The following SNRPN variants were observed in gnomAD, a reference collection of about 807,000 sequenced individuals.
SNRPN encodes small nuclear ribonucleoprotein-associated protein N.
SNRPN carries 7 observed loss-of-function variants against 25.2 expected under a neutral mutation model. The observed-to-expected ratio is 0.28, with a 90% CI of 0.16 to 0.52. The LOEUF (loss-of-function observed/expected upper bound fraction) is 0.52. SNRPN is among the 20% of genes least tolerant of loss of function. The pLI is 0.96. For synonymous variants in SNRPN, 124 were observed against 110.6 expected (o/e 1.12, Z -0.76); for missense variants, 196 against 322.5 (o/e 0.61, Z 3.00).
chr15:24,868,752 C>T (rs1324213421), intron 1 of SNRPN, among the ~76,000 whole-genome samples: 1 of 152,160 alleles, frequency 6.6e-6, no homozygotes, highest in East Asian at 1.9e-4. Flanking sequence ...GGATTAGTCT[C>T]ATGGGTCTCA....
intron 2 of SNRPN, among the ~76,000 whole-genome samples, chr15:24,889,502 T>C (rs2057470489): frequency 2.0e-5 from 3 of 151,250 alleles, no homozygotes; most frequent in South Asian, 4.2e-4. Context: ...AGACAGGGTT[T>C]CACCGTGTTA....
At chr15:24,862,386 G>C (rs1304562657) in intron 1 of SNRPN, among the ~76,000 whole-genome samples, 1 of 150,682 alleles carries the variant, frequency 6.6e-6, no homozygotes, top group East Asian at 2.0e-4. Context: ...AGGCTGGGCA[G>C]AATCAGGGCT....
At chr15:24,954,921 G>A (rs2062583387), upstream of SNRPN, 2 of 1,389,964 alleles carry the variant, frequency 1.4e-6, no homozygotes, top group South Asian at 1.2e-5. Context: ...GGCCGCAGAG[G>A]CAGGCTGGCG....
intron 1 of SNRPN, among the ~76,000 whole-genome samples, chr15:24,826,567 C>T (rs946581514): frequency 2.0e-5 from 3 of 152,006 alleles, no homozygotes; most frequent in African/African-American, 4.8e-5. Flanking sequence ...AATTACTTGA[C>T]GATTACTGTG....
intron 3 of SNRPN, among the ~76,000 whole-genome samples, chr15:24,925,773 G>T (rs1325454570): frequency 6.7e-6 from 1 of 149,616 alleles, no homozygotes; most frequent in African/African-American, 2.5e-5. Context: ...ACAGAGTCTC[G>T]CACTCTTGCC....
chr15:24,857,715 G>A (rs888968519), intron 1 of SNRPN, among the ~76,000 whole-genome samples: 1 of 152,114 alleles, frequency 6.6e-6, no homozygotes, highest in African/African-American at 2.4e-5. Flanking sequence ...CCACCCAAGG[G>A]ATTCACCTTG....
intron 1 of SNRPN, among the ~76,000 whole-genome samples, chr15:24,858,799 G>T (rs890793167): frequency 6.6e-6 from 1 of 151,982 alleles, no homozygotes; most frequent in African/African-American, 2.4e-5. Context: ...AGACTCTGTG[G>T]GGTATGATGA....
intron 2 of SNRPN, among the ~76,000 whole-genome samples, chr15:24,908,052 C>CAAAAAAAAAAAAAA (rs71127014): frequency 4.2e-5 from 3 of 70,708 alleles, no homozygotes; most frequent in Non-Finnish European, 7.5e-5. Context: ...GACTCCATCT[C>CAAAAAAAAAAAAAA]AAAAAAAAAA....
At chr15:24,829,577 G>A (rs1180241120) in intron 1 of SNRPN, among the ~76,000 whole-genome samples, 1 of 152,056 alleles carries the variant, frequency 6.6e-6, no homozygotes. Flanking sequence ...GCCGCTCTCT[G>A]AGGACTGCAT....
At chr15:24,832,885 C>T (rs191448064) in intron 2 of SNRPN, among the ~76,000 whole-genome samples, 3,365 of 151,546 alleles carry the variant, frequency 0.022, 166 homozygotes, top group African/African-American at 0.077. Flanking sequence ...GGCGGGCGGA[C>T]CACGAGGTCA....
upstream of SNRPN, among the ~76,000 whole-genome samples, chr15:24,953,924 T>C (rs2062478764): frequency 6.6e-6 from 1 of 152,200 alleles, no homozygotes; most frequent in Non-Finnish European, 1.5e-5. Context: ...CCTGTTTTAA[T>C]GTAGGATCAT....
At chr15:24,858,567 C>G (rs552152726) in intron 1 of SNRPN, among the ~76,000 whole-genome samples, 2 of 151,516 alleles carry the variant, frequency 1.3e-5, no homozygotes, top group African/African-American at 4.9e-5. Flanking sequence ...GAGGCTAAGG[C>G]GGGTGGATCA....
chr15:24,861,295 C>T (rs1473662764), intron 1 of SNRPN, among the ~76,000 whole-genome samples: 2 of 152,156 alleles, frequency 1.3e-5, no homozygotes, highest in Non-Finnish European at 2.9e-5. Context: ...CTTACTATTG[C>T]TCCCAAGCTA....
At chr15:24,894,220 T>TC (rs992154109) in intron 2 of SNRPN, among the ~76,000 whole-genome samples, 5 of 151,600 alleles carry the variant, frequency 3.3e-5, no homozygotes, top group African/African-American at 1.2e-4. Context: ...CCAAATTCTT[T>TC]TTTTTTTTTT....
In SNRPN at chr15:24,838,239, G is replaced by A. The variant is rs534075789; in HGVS notation, c.-579+8334G>A. ...TTTAGTAGAGACGGGGTTTCACCGC[G>A]TTAGCCAGGATGGTCTCAATCTCCT... is the stretch of plus-strand genomic sequence containing the variant. On this transcript the variant is annotated intron_variant, in intron 2 of 12. Coordinates refer to the SNRPN transcript ENST00000400100. Among the ~76,000 whole-genome samples the A allele has an allele frequency of 3.1e-4, 46 of 150,174 alleles. 1 individual carries two copies. The highest frequency in any genetic ancestry group is 1.1e-3 in the Admixed American group (16 of 15,062).
At chr15:24,937,392 G>A (rs1032333725) in intron 3 of SNRPN, among the ~76,000 whole-genome samples, 1 of 151,996 alleles carries the variant, frequency 6.6e-6, no homozygotes, top group East Asian at 1.9e-4. Context: ...AAACAAAACA[G>A]GCATGGTGAT....
At chr15:24,973,260 G>C (rs1238354990) in intron 3 of SNRPN, among the ~76,000 whole-genome samples, 2 of 152,126 alleles carry the variant, frequency 1.3e-5, no homozygotes, top group East Asian at 1.9e-4. Flanking sequence ...CAGGTTTGTA[G>C]CCTAGGATCT....
At chr15:24,832,614 G>A (rs908970300) in intron 2 of SNRPN, among the ~76,000 whole-genome samples, 1 of 151,986 alleles carries the variant, frequency 6.6e-6, no homozygotes, top group Non-Finnish European at 1.5e-5. Flanking sequence ...GCCACAATCC[G>A]CTGGGGTCCC....
At chr15:24,854,931 G>T (rs1399560289), upstream of SNRPN, among the ~76,000 whole-genome samples, 15 of 151,914 alleles carry the variant, frequency 9.9e-5, no homozygotes, top group Admixed American at 9.8e-4. Flanking sequence ...TTGAACTTGG[G>T]AAGCAGAGGT....
Sources: allele counts gnomAD v4.1 joint callset (sites outside exome capture counted in the v4.1 genomes callset), GRCh38; gene constraint gnomAD v4.1.1; transcripts MANE v1.5; gene names NCBI Gene and HGNC (gene_info 2026-07-23, HGNC 2026-07-21).